The following EEPD1 variants were observed in gnomAD, a reference collection of about 807,000 sequenced individuals.
EEPD1 encodes endonuclease/exonuclease/phosphatase family domain containing 1.
A neutral mutation model predicts 46.3 loss-of-function variants in EEPD1; 17 were observed. The ratio of observed to expected loss-of-function variants is 0.37; its 90% CI spans 0.25 to 0.55. The LOEUF (loss-of-function observed/expected upper bound fraction) is 0.55. Among genes scored for constraint, EEPD1 ranks in the 20% least tolerant of loss-of-function variants. EEPD1 has a pLI of 0.83. For missense variants in EEPD1, 673 were observed against 745.6 expected (o/e 0.90, Z 1.13); for synonymous variants, 313 against 315.6 (o/e 0.99, Z 0.09).
chr7:36,161,530 C>T (rs749365366), intron 2 of EEPD1, among the ~76,000 whole-genome samples: 16 of 152,026 alleles, frequency 1.1e-4, no homozygotes, highest in Non-Finnish European at 1.9e-4. Context: ...CATCCACCCT[C>T]CCCCATGCAC....
chr7:36,199,366 C>G (rs1019041195), intron 2 of EEPD1, among the ~76,000 whole-genome samples: 2 of 152,070 alleles, frequency 1.3e-5, no homozygotes, highest in African/African-American at 4.8e-5. Context: ...TTACCTGCCC[C>G]CCCTTTAGAA....
At position 36,300,061 on chromosome 7, in the gene EEPD1, C is replaced by T. The variant is rs1338153207; in HGVS notation, c.*855C>T. The T allele has an allele frequency of 6.6e-6, 1 of 152,346 alleles. No individual in the cohort carries two copies. The highest frequency in any genetic ancestry group is 2.4e-5 in the African/African-American group (1 of 41,458). 9.4% of individuals were successfully genotyped at this position (152,346 alleles called of 1,614,324 possible). ...TAGTTCTCTTTGCAGGACAAGAATTCTCTCAGGGTGGTATCACCTCCTCCC... is the reference window on the plus strand; with the variant it reads ...TAGTTCTCTTTGCAGGACAAGAATTTTCTCAGGGTGGTATCACCTCCTCCC... On this transcript the variant is annotated 3_prime_UTR_variant, in exon 8 of 8. Transcript: ENST00000242108.
At chr7:36,186,333 G>T (rs1785359922) in intron 2 of EEPD1, among the ~76,000 whole-genome samples, 1 of 152,194 alleles carries the variant, frequency 6.6e-6, no homozygotes, top group African/African-American at 2.4e-5. Flanking sequence ...GGAATGGCCA[G>T]TGGGGAAAGG....
At chr7:36,166,149 C>G (rs1453643906) in intron 2 of EEPD1, among the ~76,000 whole-genome samples, 3 of 152,164 alleles carry the variant, frequency 2.0e-5, no homozygotes, top group African/African-American at 7.2e-5. Flanking sequence ...ACAAGTGAAA[C>G]TGCACAAGAA....
At chr7:36,287,813 T>G in intron 6 of EEPD1, 36 bp downstream of exon 6, 1 of 1,607,596 alleles carries the variant, frequency 6.2e-7, no homozygotes, top group East Asian at 2.2e-5. Flanking sequence ...TCGGCCACTG[T>G]TTTGCAGAGC....
intron 2 of EEPD1, among the ~76,000 whole-genome samples, chr7:36,200,401 T>G (rs1785693443): frequency 3.3e-5 from 5 of 152,250 alleles, no homozygotes; most frequent in Admixed American, 3.3e-4. Context: ...TTAAGTTGAT[T>G]ACATGACTTT....
intron 2 of EEPD1, among the ~76,000 whole-genome samples, chr7:36,221,755 G>C (rs555215530): frequency 1.2e-3 from 190 of 152,228 alleles, no homozygotes; most frequent in African/African-American, 4.4e-3. Context: ...TATAATAACT[G>C]TCATTTATGG....
rs746260344 is a variant in EEPD1, at chr7:36,301,371, A to G, written c.*2165A>G. 4.6e-5 allele frequency: 7 copies of G among 152,262 alleles called. No homozygotes were observed. The highest frequency in any genetic ancestry group is 8.8e-5 in the Non-Finnish European group (6 of 68,050). 9.4% of individuals were successfully genotyped at this position (152,262 alleles called of 1,614,324 possible). A position where few individuals can be genotyped will look rare whatever the true frequency, so the allele number is the denominator to read the frequency against. On this transcript the variant is annotated 3_prime_UTR_variant, in exon 8 of 8. Transcript: ENST00000242108. Reference sequence around the variant, plus strand: ...TGTAAGAGCAGTTTTATGTTTACAGAAAAATTAGGCACAAAGGGATTCCCA... The same window carrying G: ...TGTAAGAGCAGTTTTATGTTTACAGGAAAATTAGGCACAAAGGGATTCCCA...
At chr7:36,275,135 C>T (rs1321815209) in intron 3 of EEPD1, among the ~76,000 whole-genome samples, 1 of 152,198 alleles carries the variant, frequency 6.6e-6, no homozygotes, top group Non-Finnish European at 1.5e-5. Context: ...GAAACACCCA[C>T]CTCGGTGTAG....
chr7:36,283,903 G>A lies in EEPD1; in HGVS notation c.1042-783G>A, dbSNP rs78461264. ...GACATGCAGATGGCTCCCAGGCAGC[G>A]GGTGCTGAGGAAGCATTCTCATGGA... On this transcript the variant is annotated intron_variant, in intron 4 of 7. Transcript: ENST00000242108. Among the ~76,000 whole-genome samples the A allele has an allele frequency of 4.1e-3, 626 of 152,306 alleles. 6 individuals are homozygous for A. The highest frequency in any genetic ancestry group is 0.014 in the African/African-American group (593 of 41,558).
At chr7:36,292,322 C>T (rs1340433177) in intron 6 of EEPD1, among the ~76,000 whole-genome samples, 1 of 152,138 alleles carries the variant, frequency 6.6e-6, no homozygotes, top group Non-Finnish European at 1.5e-5. Flanking sequence ...CTCTTAGAAC[C>T]GGGGCCGAGA....
At chr7:36,196,550 T>C (rs1352056464) in intron 2 of EEPD1, among the ~76,000 whole-genome samples, 1 of 152,226 alleles carries the variant, frequency 6.6e-6, no homozygotes. Context: ...TGCCTGCGAT[T>C]GCAGGCGCGC....
At chr7:36,298,579 T>C (rs1184095376) in intron 7 of EEPD1, among the ~76,000 whole-genome samples, 1 of 152,258 alleles carries the variant, frequency 6.6e-6, no homozygotes, top group Non-Finnish European at 1.5e-5. Flanking sequence ...TTTTTTACCC[T>C]TTGTGTAGAA....
At chr7:36,241,808 T>C (rs1786557931) in intron 3 of EEPD1, among the ~76,000 whole-genome samples, 1 of 151,812 alleles carries the variant, frequency 6.6e-6, no homozygotes. Flanking sequence ...GCAGAGGTTG[T>C]GGTGAGCCGA....
chr7:36,187,295 A>G (rs1751953258), intron 2 of EEPD1, among the ~76,000 whole-genome samples: 1 of 152,242 alleles, frequency 6.6e-6, no homozygotes, highest in African/African-American at 2.4e-5. Context: ...TTTTCAGTAT[A>G]CAGTGGCATA....
chr7:36,171,944 A>C (rs1583785695), intron 2 of EEPD1, among the ~76,000 whole-genome samples: 2 of 152,206 alleles, frequency 1.3e-5, no homozygotes, highest in South Asian at 4.1e-4. Flanking sequence ...GATGTCCAGG[A>C]GGGGACTTCA....
chr7:36,284,944 A>C (rs1787320993), intron 5 of EEPD1, 124 bp downstream of exon 5: 2 of 1,291,664 alleles, frequency 1.5e-6, no homozygotes, highest in South Asian at 1.8e-5. Flanking sequence ...TCAGCCTCTC[A>C]TGATTGGAGA....
chr7:36,211,577 C>T (rs926496790), intron 2 of EEPD1, among the ~76,000 whole-genome samples: 2 of 151,948 alleles, frequency 1.3e-5, no homozygotes, highest in African/African-American at 2.4e-5. Flanking sequence ...AGCACAAAAC[C>T]CTGAGAAAAA....
At chr7:36,289,847 CAT>C (rs1787400922) in intron 6 of EEPD1, among the ~76,000 whole-genome samples, 1 of 152,224 alleles carries the variant, frequency 6.6e-6, no homozygotes, top group African/African-American at 2.4e-5. Flanking sequence ...ATCCATCCAC[CAT>C]AGTTTGTTGC....
Sources: gnomAD v4.1 joint callset for allele counts (sites outside exome capture counted in the v4.1 genomes callset) on GRCh38, gnomAD v4.1.1 for gene constraint, MANE v1.5 for transcripts, NCBI Gene and HGNC (gene_info 2026-07-23, HGNC 2026-07-21) for gene names.